The following PDE4B variants were observed in gnomAD, a reference collection of about 807,000 sequenced individuals.
PDE4B encodes 3',5'-cyclic-AMP phosphodiesterase 4B.
PDE4B carries 20 observed loss-of-function variants against 82.2 expected under a neutral mutation model. The ratio of observed to expected loss-of-function variants is 0.24; its 90% CI spans 0.17 to 0.35. The LOEUF (loss-of-function observed/expected upper bound fraction) is 0.35. Among genes scored for constraint, PDE4B ranks in the 10% least tolerant of loss-of-function variants. The probability of loss-of-function intolerance (pLI) is 1.00; values close to 1 mark genes in which losing one functional copy is unlikely to be tolerated. For synonymous variants in PDE4B, 320 were observed against 318.9 expected (o/e 1.00, Z -0.04); for missense variants, 655 against 907.2 (o/e 0.72, Z 3.57).
At chr1:66,063,721 T>TA (rs1333819697) in intron 3 of PDE4B, among the ~76,000 whole-genome samples, 1 of 152,030 alleles carries the variant, frequency 6.6e-6, no homozygotes, top group Non-Finnish European at 1.5e-5. Context: ...GCAATTTTTT[T>TA]AATTAACATT....
At chr1:66,156,993 C>G (rs1015523787) in intron 3 of PDE4B, among the ~76,000 whole-genome samples, 1 of 152,140 alleles carries the variant, frequency 6.6e-6, no homozygotes, top group African/African-American at 2.4e-5. Context: ...TATCTTCAAC[C>G]CAGTTCTCTC....
intron 3 of PDE4B, among the ~76,000 whole-genome samples, chr1:66,232,903 T>A (rs575321291): frequency 5.9e-5 from 9 of 152,316 alleles, no homozygotes; most frequent in African/African-American, 2.2e-4. Context: ...TAGAAAGTTT[T>A]GTTTAAAAAG....
intron 3 of PDE4B, among the ~76,000 whole-genome samples, chr1:65,943,692 A>G (rs1648560856): frequency 6.6e-6 from 1 of 151,912 alleles, no homozygotes; most frequent in Non-Finnish European, 1.5e-5. Flanking sequence ...TACAGTTTTC[A>G]ATGTGCAGGT....
chr1:66,309,117 G>A (rs528141781), intron 7 of PDE4B, among the ~76,000 whole-genome samples: 13 of 152,280 alleles, frequency 8.5e-5, no homozygotes, highest in Non-Finnish European at 1.0e-4. Flanking sequence ...ATTCTTGGTT[G>A]TTTGGAAATG....
chr1:65,924,077 A>ATTTTTTTTTTTTTTTTTTT (rs71058436), intron 3 of PDE4B, among the ~76,000 whole-genome samples: 3,398 of 40,678 alleles, frequency 0.084, 1,432 homozygotes, highest in Middle Eastern at 0.11. Context: ...CAGTTTGCTA[A>ATTTTTTTTTTTTTTTTTTT]TTTTTTTTTT....
chr1:66,217,104 T>C (rs1570489253), intron 3 of PDE4B, among the ~76,000 whole-genome samples: 1 of 152,042 alleles, frequency 6.6e-6, no homozygotes, highest in East Asian at 1.9e-4. Context: ...AGAAGGGAAA[T>C]GGAGTGGTTT....
At chr1:66,202,500 C>T (rs1084491) in intron 3 of PDE4B, among the ~76,000 whole-genome samples, 41,520 of 152,004 alleles carry the variant, frequency 0.27, 5,853 homozygotes, top group African/African-American at 0.33. Context: ...TTGTAGGTCA[C>T]GCAGGACTTG....
Position 66,332,761 on chromosome 1 carries a change from T to G in PDE4B, c.747+141T>G, listed in dbSNP as rs373059234. On this transcript the variant is annotated intron_variant, in intron 8 of 16. Transcript: ENST00000341517. ...TGTTGCTTTGTCTAGAAGATTCTCT[T>G]CCAAAGTGTCACACTCTACTTGTGT... 4.3e-6 allele frequency: 3 copies of G among 699,264 alleles called. No individual in the cohort carries two copies. The African/African-American group carries it at 5.4e-5, about 13-fold the overall frequency. 43.3% of individuals were successfully genotyped at this position (699,264 alleles called of 1,614,324 possible).
intron 7 of PDE4B, among the ~76,000 whole-genome samples, chr1:66,269,517 A>G (rs774173239): frequency 5.9e-5 from 9 of 152,222 alleles, no homozygotes; most frequent in Non-Finnish European, 8.8e-5. Context: ...AAAGGAAAAA[A>G]TAGAAAAAGA....
At chr1:66,330,835 G>A in intron 7 of PDE4B, 1 of 969,566 alleles carries the variant, frequency 1.0e-6, no homozygotes, top group Non-Finnish European at 1.2e-6. Context: ...AAGAAAGGAA[G>A]GAAGGTATGT....
chr1:66,218,592 A>G (rs910454965), intron 3 of PDE4B, among the ~76,000 whole-genome samples: 1 of 152,038 alleles, frequency 6.6e-6, no homozygotes, highest in Non-Finnish European at 1.5e-5. Flanking sequence ...CCTTTTCAAT[A>G]TCAGTGCTCA....
At chr1:65,872,075 C>T (rs1646579389) in intron 1 of PDE4B, among the ~76,000 whole-genome samples, 1 of 152,022 alleles carries the variant, frequency 6.6e-6, no homozygotes, top group East Asian at 1.9e-4. Flanking sequence ...TGGCAAAAAC[C>T]TACATAAATT....
chr1:65,953,386 A>C (rs1278385754), intron 3 of PDE4B, among the ~76,000 whole-genome samples: 1 of 152,102 alleles, frequency 6.6e-6, no homozygotes, highest in East Asian at 1.9e-4. Flanking sequence ...GATTAAGTTC[A>C]GGGCTTGAGA....
At chr1:65,887,438 T>TA (rs1646803433) in intron 1 of PDE4B, among the ~76,000 whole-genome samples, 1 of 115,924 alleles carries the variant, frequency 8.6e-6, no homozygotes, top group African/African-American at 3.6e-5. Context: ...TTTTTTTTTT[T>TA]ACAGGGTCTC....
intron 1 of PDE4B, among the ~76,000 whole-genome samples, chr1:65,803,120 T>A (rs547605661): frequency 6.6e-6 from 1 of 152,292 alleles, no homozygotes; most frequent in South Asian, 2.1e-4. Flanking sequence ...TTTGCTATAC[T>A]CATTCAAGAT....
chr1:66,165,976 A>T (rs1335795955), intron 3 of PDE4B, among the ~76,000 whole-genome samples: 1 of 152,048 alleles, frequency 6.6e-6, no homozygotes, highest in Non-Finnish European at 1.5e-5. Flanking sequence ...AAATTGGAGG[A>T]TTCACACTTT....
chr1:65,873,219 A>G (rs920284860), intron 1 of PDE4B, among the ~76,000 whole-genome samples: 1 of 152,210 alleles, frequency 6.6e-6, no homozygotes, highest in Non-Finnish European at 1.5e-5. Context: ...GATGTCTGCT[A>G]GATTTTGAAG....
At position 65,960,268 on chromosome 1, in the gene PDE4B, G is replaced by T. The variant is rs1044766798; in HGVS notation, c.281+41433G>T. Among the ~76,000 whole-genome samples the T allele has an allele frequency of 2.0e-5, 3 of 151,880 alleles. No individual in the cohort carries two copies. The East Asian group carries it at 5.8e-4, about 29-fold the overall frequency. On this transcript the variant is annotated intron_variant, in intron 3 of 16. Coordinates refer to ENST00000341517, the MANE Select transcript of PDE4B (RefSeq NM_002600.4). ...TTTTGTGTGGCAGCGCAGTAAATTC[G>T]CAGAACACAGTTCCAAGAAGCCCAA...
chr1:65,802,713 TTTC>T (rs1301199108), intron 1 of PDE4B, among the ~76,000 whole-genome samples: 2 of 150,230 alleles, frequency 1.3e-5, no homozygotes, highest in African/African-American at 4.8e-5. Flanking sequence ...AATCTGGAGA[TTTC>T]TTAAGATATG....
Sources: allele counts gnomAD v4.1 joint callset (sites outside exome capture counted in the v4.1 genomes callset), GRCh38; gene constraint gnomAD v4.1.1; transcripts MANE v1.5; gene names NCBI Gene and HGNC (gene_info 2026-07-23, HGNC 2026-07-21).